Variants in ANO3 observed in about 807,000 individuals in gnomAD.
The protein encoded by ANO3 is anoctamin-3.
In ANO3, 99 loss-of-function variants were observed where a neutral mutation model predicts 144.8. The ratio of observed to expected loss-of-function variants is 0.68; its 90% CI spans 0.58 to 0.81. The LOEUF (loss-of-function observed/expected upper bound fraction) is 0.81, where lower values mean the gene tolerates loss of function less well. Among genes scored for constraint, ANO3 ranks in the 30% least tolerant of loss-of-function variants. The probability of loss-of-function intolerance (pLI) is 0.00; values close to 1 mark genes in which losing one functional copy is unlikely to be tolerated. For synonymous variants in ANO3, 414 were observed against 392.6 expected (o/e 1.05, Z -0.64); for missense variants, 905 against 1,202.2 (o/e 0.75, Z 3.66).
intron 1 of ANO3, among the ~76,000 whole-genome samples, chr11:26,434,222 A>G (rs10732482): frequency 0.98 from 149,119 of 152,246 alleles, 73,102 homozygotes; most frequent in Middle Eastern, 1. Flanking sequence ...GTGTTCATTA[A>G]TACTCTCTGA....
intron 1 of ANO3, among the ~76,000 whole-genome samples, chr11:26,221,731 A>T (rs1852147933): frequency 6.6e-6 from 1 of 152,218 alleles, no homozygotes; most frequent in Non-Finnish European, 1.5e-5. Context: ...AAGAGCAGGT[A>T]CATCACATAG....
At position 26,463,610 on chromosome 11, in the gene ANO3, A is replaced by G. The variant is rs1178407201; in HGVS notation, c.432+462A>G. On this transcript the variant is annotated intron_variant, in intron 4 of 26. Transcript: ENST00000256737. ...CAAGATTATTGGAAGACAAAATGAG[A>G]AAACCATGTAAGTGTCTGGTGCATA... 2.0e-5 allele frequency among the ~76,000 whole-genome samples: 3 copies of G among 152,032 alleles called. No individual in the cohort carries two copies. The East Asian group carries it at 5.8e-4, about 30-fold the overall frequency.
chr11:26,605,488 T>C (rs1309818549), intron 17 of ANO3, among the ~76,000 whole-genome samples: 2 of 152,214 alleles, frequency 1.3e-5, no homozygotes, highest in African/African-American at 4.8e-5. Context: ...TTGGAATAGT[T>C]ACAGAAGGAA....
chr11:26,511,244 G>T (rs1227920311), intron 5 of ANO3, among the ~76,000 whole-genome samples: 1 of 152,108 alleles, frequency 6.6e-6, no homozygotes, highest in African/African-American at 2.4e-5. Flanking sequence ...ACAGTGAAAA[G>T]GTTAAAGCTA....
chr11:26,402,363 T>C (rs1017315780), intron 1 of ANO3, among the ~76,000 whole-genome samples: 2 of 152,054 alleles, frequency 1.3e-5, no homozygotes, highest in South Asian at 4.1e-4. Flanking sequence ...CTCATTGTGG[T>C]TTTGATTTGC....
At chr11:26,409,300 A>G (rs181132081) in intron 1 of ANO3, among the ~76,000 whole-genome samples, 3 of 151,952 alleles carry the variant, frequency 2.0e-5, no homozygotes, top group East Asian at 2.0e-4. Flanking sequence ...CTGACACTAT[A>G]TCTGGCACAT....
chr11:26,634,137 C>A, intron 18 of ANO3, 67 bp from the exon 19 acceptor site: 1 of 856,676 alleles, frequency 1.2e-6, no homozygotes, highest in Non-Finnish European at 1.8e-6. Context: ...GGGTTTCTGC[C>A]TCCATGTCCA....
intron 1 of ANO3, among the ~76,000 whole-genome samples, chr11:26,244,371 A>G (rs185860007): frequency 6.6e-6 from 1 of 152,316 alleles, no homozygotes; most frequent in African/African-American, 2.4e-5. Flanking sequence ...CTGGATGGGA[A>G]TACTAGCTTT....
intron 3 of ANO3, 63 bp downstream of exon 3, chr11:26,443,899 C>A: frequency 1.8e-6 from 2 of 1,096,028 alleles, no homozygotes; most frequent in Non-Finnish European, 2.7e-6. Context: ...CTGTGTTCTT[C>A]TAAAAAAAAC....
At chr11:26,206,285 C>G (rs1037896123) in intron 1 of ANO3, among the ~76,000 whole-genome samples, 4 of 152,104 alleles carry the variant, frequency 2.6e-5, no homozygotes, top group Non-Finnish European at 5.9e-5. Flanking sequence ...TTAATCCAAC[C>G]ATCTTCAAAT....
chr11:26,457,049 G>A (rs538815900), intron 3 of ANO3, among the ~76,000 whole-genome samples: 192 of 140,398 alleles, frequency 1.4e-3, no homozygotes, highest in African/African-American at 5.0e-3. Flanking sequence ...CACAGGAAGG[G>A]GAACATCACA....
At chr11:26,218,013 T>G (rs1452328963) in intron 1 of ANO3, among the ~76,000 whole-genome samples, 1 of 152,122 alleles carries the variant, frequency 6.6e-6, no homozygotes, top group Non-Finnish European at 1.5e-5. Context: ...CATGGCTGAA[T>G]CCTTCAGGTC....
chr11:26,245,464 T>A (rs1397610435), intron 1 of ANO3, among the ~76,000 whole-genome samples: 1 of 152,218 alleles, frequency 6.6e-6, no homozygotes, highest in African/African-American at 2.4e-5. Context: ...CATTCCTTCC[T>A]GTTTCTTAGA....
intron 13 of ANO3, among the ~76,000 whole-genome samples, chr11:26,558,551 T>A (rs1850159300): frequency 6.6e-6 from 1 of 152,166 alleles, no homozygotes; most frequent in Non-Finnish European, 1.5e-5. Flanking sequence ...AACCGATTTT[T>A]ATATTAATTT....
At chr11:26,459,059 G>T (rs1859271627) in intron 3 of ANO3, among the ~76,000 whole-genome samples, 1 of 152,110 alleles carries the variant, frequency 6.6e-6, no homozygotes, top group South Asian at 2.1e-4. Flanking sequence ...CAGATATTGA[G>T]CATTATCTGC....
At chr11:26,455,921 A>G (rs539904317) in intron 3 of ANO3, among the ~76,000 whole-genome samples, 6 of 152,040 alleles carry the variant, frequency 3.9e-5, no homozygotes, top group East Asian at 1.9e-4. Flanking sequence ...ATAATGCCAT[A>G]TATCTACAAC....
chr11:26,442,018 C>T lies in ANO3; in HGVS notation c.147C>T (p.Ser49=). The T allele has an allele frequency of 6.2e-7, 1 of 1,614,156 alleles. No homozygotes were observed. The highest frequency in any genetic ancestry group is 8.5e-7 in the Non-Finnish European group (1 of 1,179,998). Residue 49 remains serine, a synonymous_variant, in exon 2 of 27, where the codon AGC becomes AGT. Transcript: ENST00000256737. ...CLAQSYAYSK[S]LSQSTSLFQS... is the part of the protein sequence containing the mutation. ...CCCAGAGCTACGCTTACTCAAAGAG[C>T]TTGAGCCAGTCTACTTCCCTCTTCC... is the stretch of plus-strand genomic sequence containing the variant.
At chr11:26,297,731 C>T (rs75109041) in intron 1 of ANO3, among the ~76,000 whole-genome samples, 6,613 of 152,184 alleles carry the variant, frequency 0.043, 479 homozygotes, top group African/African-American at 0.15. Context: ...ATTCTGAGTA[C>T]CCATCTGTAC....
chr11:26,225,387 C>T (rs1316812442), intron 1 of ANO3, among the ~76,000 whole-genome samples: 2 of 152,000 alleles, frequency 1.3e-5, no homozygotes, highest in African/African-American at 2.4e-5. Context: ...TTTTAGAAAG[C>T]TGACAATTTG....
Sources: allele counts gnomAD v4.1 joint callset (sites outside exome capture counted in the v4.1 genomes callset), GRCh38; gene constraint gnomAD v4.1.1; transcripts MANE v1.5; gene names NCBI Gene and HGNC (gene_info 2026-07-23, HGNC 2026-07-21).